The following KLF13 variants were observed in gnomAD, a reference collection of about 807,000 sequenced individuals.
KLF13 encodes KLF transcription factor 13.
A neutral mutation model predicts 16.7 loss-of-function variants in KLF13; 8 were observed. That is an observed-to-expected ratio of 0.48 (90% confidence interval 0.28 to 0.87). The LOEUF (loss-of-function observed/expected upper bound fraction) is 0.87, where lower values mean the gene tolerates loss of function less well. Ranked by LOEUF, KLF13 falls within the 40% of genes least tolerant of loss-of-function variation. The probability of loss-of-function intolerance (pLI) is 0.10; values close to 1 mark genes in which losing one functional copy is unlikely to be tolerated. For missense variants in KLF13, 447 were observed against 452.2 expected (o/e 0.99, Z 0.10); for synonymous variants, 245 against 208.4 (o/e 1.18, Z -1.51).
At chr15:31,379,187 G>A (rs1336714259), downstream of KLF13, among the ~76,000 whole-genome samples, 1 of 152,150 alleles carries the variant, frequency 6.6e-6, no homozygotes, top group Non-Finnish European at 1.5e-5. Flanking sequence ...CTGGGGGGAG[G>A]GAGGCGTGAA....
At chr15:31,366,948 A>T (rs888554947) in intron 1 of KLF13, among the ~76,000 whole-genome samples, 6 of 152,248 alleles carry the variant, frequency 3.9e-5, no homozygotes, top group African/African-American at 1.4e-4. Context: ...ATGCTACAGG[A>T]TGTGTGACAG....
intron 1 of KLF13, among the ~76,000 whole-genome samples, chr15:31,423,267 T>C (rs764897662): frequency 3.4e-5 from 5 of 147,474 alleles, no homozygotes; most frequent in Non-Finnish European, 7.4e-5. Flanking sequence ...AGTAACACAG[T>C]AATAGAAGGA....
At chr15:31,427,087 C>T (rs1305163723) in intron 1 of KLF13, among the ~76,000 whole-genome samples, 1 of 152,114 alleles carries the variant, frequency 6.6e-6, no homozygotes, top group Non-Finnish European at 1.5e-5. Flanking sequence ...CTGAGCAACC[C>T]TATTGGCTTT....
chr15:31,328,707 T>A (rs2140926650), intron 1 of KLF13, among the ~76,000 whole-genome samples: 1 of 152,336 alleles, frequency 6.6e-6, no homozygotes, highest in African/African-American at 2.4e-5. Flanking sequence ...CGCGGCCCGA[T>A]ACTTTGTAGT....
intron 1 of KLF13, among the ~76,000 whole-genome samples, chr15:31,334,727 CT>C (rs2038897810): frequency 6.6e-6 from 1 of 152,192 alleles, no homozygotes; most frequent in African/African-American, 2.4e-5. Flanking sequence ...CACACCCGAC[CT>C]TTTCTTTCCT....
At chr15:31,356,865 G>A (rs2039308425) in intron 1 of KLF13, among the ~76,000 whole-genome samples, 1 of 152,168 alleles carries the variant, frequency 6.6e-6, no homozygotes, top group African/African-American at 2.4e-5. Flanking sequence ...GTGTGTGGAG[G>A]TGCTTGGCCA....
chr15:31,333,220 G>A (rs768704345), intron 1 of KLF13, among the ~76,000 whole-genome samples: 10 of 152,154 alleles, frequency 6.6e-5, no homozygotes, highest in Non-Finnish European at 1.3e-4. Context: ...TTCAAATAAG[G>A]AAGCTAAGGC....
At chr15:31,431,930 T>A (rs1410183646) in intron 1 of KLF13, among the ~76,000 whole-genome samples, 1 of 151,626 alleles carries the variant, frequency 6.6e-6, no homozygotes. Flanking sequence ...AGGAAGGAAG[T>A]GTTGACTGGG....
At chr15:31,329,751 G>A (rs1354663004) in intron 1 of KLF13, among the ~76,000 whole-genome samples, 1 of 152,232 alleles carries the variant, frequency 6.6e-6, no homozygotes, top group Non-Finnish European at 1.5e-5. Flanking sequence ...TACAGTGCTC[G>A]TTCTTGAAGC....
chr15:31,385,997 G>A (rs2039792069), intron 1 of KLF13, among the ~76,000 whole-genome samples: 1 of 152,224 alleles, frequency 6.6e-6, no homozygotes, highest in East Asian at 1.9e-4. Context: ...TGAATGATAC[G>A]AAAGTGAAAT....
chr15:31,347,502 T>G (rs2039142523), intron 1 of KLF13, among the ~76,000 whole-genome samples: 1 of 152,112 alleles, frequency 6.6e-6, no homozygotes, highest in African/African-American at 2.4e-5. Flanking sequence ...GGCCCCACCT[T>G]GACTGTGGTG....
intron 1 of KLF13, among the ~76,000 whole-genome samples, chr15:31,352,525 A>G (rs554220945): frequency 7.2e-5 from 11 of 152,278 alleles, no homozygotes; most frequent in Non-Finnish European, 1.5e-4. Flanking sequence ...TGCTGAGATT[A>G]GCGTCTGTAT....
At chr15:31,358,845 G>A (rs2039339946) in intron 1 of KLF13, among the ~76,000 whole-genome samples, 1 of 152,150 alleles carries the variant, frequency 6.6e-6, no homozygotes, top group African/African-American at 2.4e-5. Context: ...ATTGCCTCCC[G>A]ATGCCCAGAA....
Position 31,327,167 on chromosome 15 carries a change from C to T in KLF13, c.-46C>T. On this transcript the variant is annotated 5_prime_UTR_variant, in exon 1 of 2. Coordinates refer to ENST00000307145, the MANE Select transcript of KLF13 (RefSeq NM_015995.4). ...CGAGGCCGTGGGTGCGGATGCGCGG[C>T]TGACGACTCGCAGCAAGAGCACCGC... is the stretch of plus-strand genomic sequence containing the variant. 8.2e-7 allele frequency: 1 copy of T among 1,220,192 alleles called. No individual in the cohort carries two copies. Among genetic ancestry groups the T allele is most frequent in the Non-Finnish European group, 1.0e-6 (1 of 978,502 alleles). 75.6% of individuals were successfully genotyped at this position (1,220,192 alleles called of 1,614,324 possible). A position where few individuals can be genotyped will look rare whatever the true frequency, so the allele number is the denominator to read the frequency against.
intron 1 of KLF13, among the ~76,000 whole-genome samples, chr15:31,429,323 A>C (rs2040440387): frequency 6.6e-6 from 1 of 152,230 alleles, no homozygotes; most frequent in South Asian, 2.1e-4. Flanking sequence ...CTAATGAAAT[A>C]AGCCAGATAC....
intron 1 of KLF13, among the ~76,000 whole-genome samples, chr15:31,387,556 A>G (rs1223577392): frequency 6.6e-6 from 1 of 152,200 alleles, no homozygotes; most frequent in Admixed American, 6.5e-5. Flanking sequence ...TTATTGTGAT[A>G]TTTGCTTTAT....
At chr15:31,369,463 G>A (rs1043563879) in intron 1 of KLF13, among the ~76,000 whole-genome samples, 1 of 152,318 alleles carries the variant, frequency 6.6e-6, no homozygotes, top group African/African-American at 2.4e-5. Context: ...ATAATCATGA[G>A]GCATTTTCGT....
rs1489296430 is a variant in KLF13, at chr15:31,427,349, AC to A, written n.118-8020del. On this transcript the variant is annotated intron_variant and non_coding_transcript_variant, in intron 1 of 1. Coordinates refer to the KLF13 transcript ENST00000558225. ...AAAAAAACAAAAAACAAAAAACAAA[AC>A]AAAAAACAGAAAATAACAAGTGTTG... Among the ~76,000 whole-genome samples, 3 of 152,208 alleles carry A rather than the reference AC, an allele frequency of 2.0e-5. No individual in the cohort carries two copies. In the South Asian group the frequency reaches 6.2e-4, roughly 31 times the overall value.
intron 1 of KLF13, among the ~76,000 whole-genome samples, chr15:31,361,936 T>G (rs2039397167): frequency 6.6e-6 from 1 of 151,750 alleles, no homozygotes; most frequent in Admixed American, 6.6e-5. Flanking sequence ...TCCTTCCTTT[T>G]CTCTTGGTGC....
Sources: allele counts gnomAD v4.1 joint callset (sites outside exome capture counted in the v4.1 genomes callset), GRCh38; gene constraint gnomAD v4.1.1; transcripts MANE v1.5; gene names NCBI Gene and HGNC (gene_info 2026-07-23, HGNC 2026-07-21).